Variants in CSMD1 observed in about 807,000 individuals in gnomAD.
CSMD1 encodes the protein CUB and sushi domain-containing protein 1.
In CSMD1, 213 loss-of-function variants were observed where a neutral mutation model predicts 417.5. The observed-to-expected ratio is 0.51, with a 90% CI of 0.46 to 0.57. The LOEUF (loss-of-function observed/expected upper bound fraction) is 0.57, where lower values mean the gene tolerates loss of function less well. Among genes scored for constraint, CSMD1 ranks in the 20% least tolerant of loss-of-function variants. The probability of loss-of-function intolerance (pLI) is 0.00; values close to 1 mark genes in which losing one functional copy is unlikely to be tolerated. For missense variants in CSMD1, 6,923 were observed against 4,529.7 expected, an observed-to-expected ratio of 1.53 and a Z score of -15.17; for synonymous variants, 2,862 against 1,736.8, an observed-to-expected ratio of 1.65 and a Z score of -16.11.
chr8:4,094,171 G>A (rs1157664190), intron 3 of CSMD1, among the ~76,000 whole-genome samples: 2 of 152,040 alleles, frequency 1.3e-5, no homozygotes, highest in African/African-American at 4.8e-5. Context: ...ACACGAATGT[G>A]GTGAGCACTC....
At chr8:3,980,378 T>C (rs1585071007) in intron 5 of CSMD1, among the ~76,000 whole-genome samples, 1 of 89,040 alleles carries the variant, frequency 1.1e-5, no homozygotes, top group Non-Finnish European at 2.5e-5. Flanking sequence ...GTATTTTAAG[T>C]GTTGACCTAT....
At chr8:3,570,264 C>A (rs1338275629) in intron 10 of CSMD1, among the ~76,000 whole-genome samples, 1 of 152,240 alleles carries the variant, frequency 6.6e-6, no homozygotes, top group Non-Finnish European at 1.5e-5. Flanking sequence ...ATTCCAACCT[C>A]TTTCCTTGGT....
chr8:4,850,724 T>C (rs780124882), intron 1 of CSMD1, among the ~76,000 whole-genome samples: 4 of 152,042 alleles, frequency 2.6e-5, no homozygotes, highest in Non-Finnish European at 5.9e-5. Context: ...CGTGAAGCAG[T>C]TGTGTGCACT....
chr8:4,071,040 T>G (rs1799528203), intron 3 of CSMD1, among the ~76,000 whole-genome samples: 1 of 152,202 alleles, frequency 6.6e-6, no homozygotes, highest in Non-Finnish European at 1.5e-5. Flanking sequence ...CTGTCTCTTT[T>G]GAAGCAGTTT....
intron 1 of CSMD1, among the ~76,000 whole-genome samples, chr8:4,943,320 C>A (rs970418853): frequency 5.3e-5 from 8 of 151,990 alleles, no homozygotes; most frequent in African/African-American, 9.6e-5. Flanking sequence ...ACTATGAAAA[C>A]CCGTCTCTAC....
At chr8:4,407,055 C>T (rs770367542) in intron 3 of CSMD1, among the ~76,000 whole-genome samples, 9 of 152,298 alleles carry the variant, frequency 5.9e-5, no homozygotes, top group South Asian at 2.1e-4. Context: ...TATTGAAACA[C>T]GGCCAAGGTC....
At chr8:4,090,982 A>T (rs9314511) in intron 3 of CSMD1, among the ~76,000 whole-genome samples, 15,646 of 150,796 alleles carry the variant, frequency 0.1, 1,228 homozygotes, top group East Asian at 0.28. Context: ...GCAGCGGTGC[A>T]ATCCTGGCTC....
intron 49 of CSMD1, among the ~76,000 whole-genome samples, chr8:3,072,537 A>G (rs1348974922): frequency 1.3e-5 from 2 of 152,334 alleles, no homozygotes; most frequent in East Asian, 3.9e-4. Flanking sequence ...TACTTGGAAG[A>G]GCACAGTTCT....
At chr8:3,551,590 ATATATATTTTTT>A (rs1220262112) in intron 10 of CSMD1, among the ~76,000 whole-genome samples, 6 of 105,096 alleles carry the variant, frequency 5.7e-5, no homozygotes, top group African/African-American at 2.2e-4. Flanking sequence ...ATATATATAT[ATATATATTTTTT>A]TTTTTTTTTT....
intron 5 of CSMD1, among the ~76,000 whole-genome samples, chr8:3,812,858 T>G (rs1042819819): frequency 3.3e-5 from 5 of 152,184 alleles, no homozygotes; most frequent in African/African-American, 9.7e-5. Flanking sequence ...CATCCTGAAT[T>G]GGCCAACGAG....
rs112575950 is a variant in CSMD1 at position 3,576,187 on chromosome 8, G to A, written c.1223-1121C>T. ...TGTGACTTAACAAGGGCTACTTTGT[G>A]GGGGGACAAGAATTAACCACTGAAC... On this transcript the variant is annotated intron_variant, in intron 9 of 69. Transcript: ENST00000635120. Among the ~76,000 whole-genome samples the A allele has an allele frequency of 1.2e-3, 183 of 152,004 alleles. 3 individuals are homozygous for A. The highest frequency in any genetic ancestry group is 4.0e-3 in the African/African-American group (167 of 41,460).
chr8:4,878,976 G>A (rs529274301), intron 1 of CSMD1, among the ~76,000 whole-genome samples: 3 of 152,066 alleles, frequency 2.0e-5, no homozygotes, highest in Non-Finnish European at 4.4e-5. Context: ...AGCAGGGAGA[G>A]GGGTCATGGG....
intron 63 of CSMD1, among the ~76,000 whole-genome samples, chr8:2,956,292 T>C (rs894372051): frequency 6.6e-6 from 1 of 152,058 alleles, no homozygotes; most frequent in Non-Finnish European, 1.5e-5. Flanking sequence ...TTAATATAGA[T>C]TCTTATTTTC....
chr8:4,077,053 C>A (rs1027789384), intron 3 of CSMD1, among the ~76,000 whole-genome samples: 4 of 151,930 alleles, frequency 2.6e-5, no homozygotes, highest in African/African-American at 4.8e-5. Flanking sequence ...TGGTATCTAA[C>A]CCTTATTCTC....
chr8:4,331,261 G>A (rs1006253734), intron 3 of CSMD1, among the ~76,000 whole-genome samples: 4 of 152,128 alleles, frequency 2.6e-5, no homozygotes, highest in Non-Finnish European at 5.9e-5. Context: ...GAGAAGCCAG[G>A]GAACTCGGTG....
chr8:4,350,333 G>T (rs530268500), intron 3 of CSMD1, among the ~76,000 whole-genome samples: 1 of 152,076 alleles, frequency 6.6e-6, no homozygotes, highest in Non-Finnish European at 1.5e-5. Flanking sequence ...ACACCTGAGG[G>T]GCACACAAAC....
chr8:4,282,311 A>T (rs1796830320), intron 3 of CSMD1, among the ~76,000 whole-genome samples: 1 of 152,170 alleles, frequency 6.6e-6, no homozygotes, highest in Admixed American at 6.5e-5. Context: ...GGAACACTGG[A>T]GCACGCCCAA....
chr8:4,839,482 C>A (rs1361811195), intron 1 of CSMD1, among the ~76,000 whole-genome samples: 2 of 152,144 alleles, frequency 1.3e-5, no homozygotes, highest in Non-Finnish European at 2.9e-5. Context: ...ACTGAAAAAT[C>A]CTAACTCAGC....
At chr8:3,343,476 C>G (rs774122359) in intron 22 of CSMD1, 26 bp from the exon 23 acceptor site, 59 of 1,595,286 alleles carry the variant, frequency 3.7e-5, no homozygotes, top group Non-Finnish European at 1.7e-5. Flanking sequence ...AGCATGAGTC[C>G]CTCTATGCCT....
Sources: gnomAD v4.1 joint callset for allele counts (sites outside exome capture counted in the v4.1 genomes callset) on GRCh38, gnomAD v4.1.1 for gene constraint, MANE v1.5 for transcripts, NCBI Gene and HGNC (gene_info 2026-07-23, HGNC 2026-07-21) for gene names.